The following STRN3 variants were observed in gnomAD, a reference collection of about 807,000 sequenced individuals.
The protein encoded by STRN3 is striatin 3, also known as striatin-3.
Under a neutral mutation model 95.6 loss-of-function variants are expected in STRN3, and 29 were observed. The ratio of observed to expected loss-of-function variants is 0.30; its 90% CI spans 0.23 to 0.41. STRN3 has a LOEUF of 0.41. Ranked by LOEUF, STRN3 falls within the 10% of genes least tolerant of loss-of-function variation. The pLI is 1.00. For synonymous variants in STRN3, 331 were observed against 357.6 expected (o/e 0.93, Z 0.84); for missense variants, 890 against 972.1 (o/e 0.92, Z 1.12).
At chr14:30,930,792 G>A (rs1477134964) in intron 7 of STRN3, among the ~76,000 whole-genome samples, 1 of 152,046 alleles carries the variant, frequency 6.6e-6, no homozygotes, top group Non-Finnish European at 1.5e-5. Context: ...TAAACTTATT[G>A]AATATACCAA....
intron 1 of STRN3, among the ~76,000 whole-genome samples, chr14:30,963,896 T>TA (rs1366963625): frequency 6.6e-6 from 1 of 151,922 alleles, no homozygotes; most frequent in East Asian, 1.9e-4. Flanking sequence ...TACCAAAACT[T>TA]AGAGGATGCA....
chr14:30,986,617 T>C (rs1376216278), intron 1 of STRN3, among the ~76,000 whole-genome samples: 2 of 152,254 alleles, frequency 1.3e-5, no homozygotes, highest in Admixed American at 1.3e-4. Context: ...CATTTTATCC[T>C]ACTATAGTGC....
chr14:30,900,585 AGCTGGACATG>A lies in STRN3; in HGVS notation c.2137+1941_2137+1950del, dbSNP rs1338398833. 2.0e-5 allele frequency among the ~76,000 whole-genome samples: 3 copies of A among 151,604 alleles called. No individual in the cohort carries two copies. The East Asian group carries it at 5.8e-4, about 29-fold the overall frequency. On this transcript the variant is annotated intron_variant, in intron 16 of 17. Transcript: ENST00000357479. The stretch of plus-strand genomic sequence containing the variant: ...CCAACTTGGTGAAAATACAAAAATT[AGCTGGACATG>A]GTGGCACACACCTGTAGTCCCACCC...
intron 1 of STRN3, among the ~76,000 whole-genome samples, chr14:31,017,749 G>A (rs1197714039): frequency 6.6e-6 from 1 of 151,966 alleles, no homozygotes; most frequent in African/African-American, 2.4e-5. Flanking sequence ...GTCTTATGAG[G>A]GGCAGTGAGT....
chr14:30,937,903 C>T (rs1041538082), intron 5 of STRN3, among the ~76,000 whole-genome samples: 2 of 152,078 alleles, frequency 1.3e-5, no homozygotes, highest in African/African-American at 4.8e-5. Context: ...AGATTATAGT[C>T]GTCCCTTGGT....
In STRN3 at chr14:30,895,094, GA is replaced by G. The variant is rs575478418; in HGVS notation, c.*316del. 61 of 108,062 alleles carry G rather than the reference GA, an allele frequency of 5.6e-4. No homozygotes were observed. The highest frequency in any genetic ancestry group is 1.7e-3 in the East Asian group (6 of 3,622). 6.7% of individuals were successfully genotyped at this position (108,062 alleles called of 1,614,324 possible). On this transcript the variant is annotated 3_prime_UTR_variant, in exon 18 of 18. Coordinates refer to ENST00000357479, the MANE Select transcript of STRN3 (RefSeq NM_001083893.2). Reference sequence around the variant, plus strand: ...AAAAAAAAAAAGAAGAAGAAGAAGAGAAAAAAAAAAACTTTTTTGAAAGATC... The same window carrying G: ...AAAAAAAAAAAGAAGAAGAAGAAGAGAAAAAAAAAACTTTTTTGAAAGATC...
chr14:30,984,382 C>T (rs1233954041), intron 1 of STRN3, among the ~76,000 whole-genome samples: 1 of 150,218 alleles, frequency 6.7e-6, no homozygotes, highest in Non-Finnish European at 1.5e-5. Flanking sequence ...CCAGCCTGGG[C>T]AACAGAGCGA....
chr14:30,905,299 AAC>A (rs1896432153), intron 15 of STRN3, 117 bp downstream of exon 15: 1 of 1,055,170 alleles, frequency 9.5e-7, no homozygotes, highest in Non-Finnish European at 1.3e-6. Context: ...AACATTATGA[AAC>A]TAATTATTTT....
chr14:30,921,366 T>C (rs547106378), intron 8 of STRN3, among the ~76,000 whole-genome samples: 54 of 152,276 alleles, frequency 3.5e-4, no homozygotes, highest in Admixed American at 9.2e-4. Flanking sequence ...CTGGGAGATA[T>C]AGAAGGGAAA....
intron 1 of STRN3, among the ~76,000 whole-genome samples, chr14:30,985,306 C>CAA (rs60601878): frequency 1.6e-3 from 205 of 128,168 alleles, no homozygotes; most frequent in African/African-American, 5.2e-3. Context: ...AAAACTCCGC[C>CAA]AAAAAAAAAA....
chr14:30,935,079 C>T, intron 7 of STRN3, 84 bp downstream of exon 7: 1 of 1,529,856 alleles, frequency 6.5e-7, no homozygotes, highest in Non-Finnish European at 8.8e-7. Context: ...TATATTTATA[C>T]ACACATTCCA....
chr14:31,007,538 T>C (rs1415772846), intron 1 of STRN3, among the ~76,000 whole-genome samples: 1 of 152,152 alleles, frequency 6.6e-6, no homozygotes, highest in Non-Finnish European at 1.5e-5. Flanking sequence ...TATATTGGAA[T>C]ATGATGAAAG....
intron 8 of STRN3, among the ~76,000 whole-genome samples, chr14:30,921,308 A>C (rs921579850): frequency 1.3e-5 from 2 of 152,238 alleles, no homozygotes; most frequent in African/African-American, 2.4e-5. Context: ...AGGCTTGACA[A>C]AGTTTTGTTA....
chr14:30,991,949 C>T (rs1364360363), intron 1 of STRN3, among the ~76,000 whole-genome samples: 1 of 144,146 alleles, frequency 6.9e-6, no homozygotes, highest in Non-Finnish European at 1.5e-5. Flanking sequence ...AAAGTAAAAA[C>T]AAATAAATAA....
chr14:31,011,757 C>T (rs1882977955), intron 1 of STRN3, among the ~76,000 whole-genome samples: 1 of 152,046 alleles, frequency 6.6e-6, no homozygotes, highest in African/African-American at 2.4e-5. Flanking sequence ...AATCTCAATC[C>T]CCAACCCTTT....
At chr14:31,006,532 C>T (rs1882724692) in intron 1 of STRN3, among the ~76,000 whole-genome samples, 1 of 152,030 alleles carries the variant, frequency 6.6e-6, no homozygotes, top group South Asian at 2.1e-4. Flanking sequence ...CCCAACACTA[C>T]TAAAAATATA....
At chr14:30,938,406 C>G (rs2139082958) in intron 5 of STRN3, among the ~76,000 whole-genome samples, 1 of 152,154 alleles carries the variant, frequency 6.6e-6, no homozygotes, top group East Asian at 1.9e-4. Context: ...ACAAAAGTAG[C>G]ATATCAATGA....
intron 1 of STRN3, among the ~76,000 whole-genome samples, chr14:30,994,628 C>A (rs1882114760): frequency 1.3e-5 from 2 of 151,970 alleles, no homozygotes; most frequent in African/African-American, 4.8e-5. Context: ...TATAAAACTT[C>A]CAAACAAATT....
At chr14:30,905,624 A>T (rs888920530) in intron 14 of STRN3, 66 bp from the exon 15 acceptor site, 87 of 1,518,998 alleles carry the variant, frequency 5.7e-5, no homozygotes, top group Non-Finnish European at 7.6e-5. Context: ...CTACTTTTTG[A>T]AATCTCTGTT....
Sources: allele counts gnomAD v4.1 joint callset (sites outside exome capture counted in the v4.1 genomes callset), GRCh38; gene constraint gnomAD v4.1.1; transcripts MANE v1.5; gene names NCBI Gene and HGNC (gene_info 2026-07-23, HGNC 2026-07-21).